Variants in KIAA2012 observed in about 807,000 individuals in gnomAD.
KIAA2012 encodes the protein uncharacterized protein KIAA2012.
In KIAA2012, 125 loss-of-function variants were observed where a neutral mutation model predicts 150.6. That is an observed-to-expected ratio of 0.83 (90% CI 0.72 to 0.96). KIAA2012 has a LOEUF of 0.96. KIAA2012 is among the 40% of genes least tolerant of loss of function. The pLI, the probability that KIAA2012 is intolerant of heterozygous loss-of-function variation, is 0.00. For synonymous variants in KIAA2012, 462 were observed against 504.7 expected (o/e 0.92, Z 1.13); for missense variants, 1,219 against 1,354.9 (o/e 0.90, Z 1.57).
intron 4 of KIAA2012, among the ~76,000 whole-genome samples, chr2:202,094,498 T>G (rs1453270210): frequency 6.6e-6 from 1 of 151,970 alleles, no homozygotes; most frequent in Non-Finnish European, 1.5e-5. Context: ...TCTTTTCTTT[T>G]TATTTTCTTT....
chr2:202,179,205 A>G, intron 15 of KIAA2012: 1 of 619,056 alleles, frequency 1.6e-6, no homozygotes, highest in East Asian at 4.0e-5. Context: ...ATCTGATTCA[A>G]ATTGGTACAA....
intron 14 of KIAA2012, among the ~76,000 whole-genome samples, chr2:202,156,980 T>C (rs1363692936): frequency 6.6e-6 from 1 of 152,212 alleles, no homozygotes; most frequent in Non-Finnish European, 1.5e-5. Flanking sequence ...GCTTTTGTAT[T>C]ACACTTTTTT....
At chr2:202,183,915 C>T (rs772222814) in intron 15 of KIAA2012, among the ~76,000 whole-genome samples, 5 of 152,108 alleles carry the variant, frequency 3.3e-5, no homozygotes, top group South Asian at 2.1e-4. Context: ...AGTTCATATC[C>T]GTCCAGATTT....
intron 2 of KIAA2012, among the ~76,000 whole-genome samples, chr2:202,079,490 A>G (rs1689395542): frequency 6.6e-6 from 1 of 152,116 alleles, no homozygotes; most frequent in Non-Finnish European, 1.5e-5. Flanking sequence ...TGTCGCAGAA[A>G]GGTGCAAGTC....
At chr2:202,183,040 T>A (rs1692152628) in intron 15 of KIAA2012, among the ~76,000 whole-genome samples, 1 of 152,066 alleles carries the variant, frequency 6.6e-6, no homozygotes, top group South Asian at 2.1e-4. Context: ...TCTAAAAGAG[T>A]AGCCCAACAC....
intron 11 of KIAA2012, 70 bp downstream of exon 11, chr2:202,113,516 C>T (rs1365003882): frequency 1.0e-5 from 11 of 1,070,680 alleles, no homozygotes; most frequent in Non-Finnish European, 1.5e-5. Flanking sequence ...CTGCAGCTTC[C>T]AAATTTTCCC....
At position 202,073,560 on chromosome 2, in the gene KIAA2012, G is replaced by T. The variant is rs750646115; in HGVS notation, c.-68G>T. On this transcript the variant is annotated 5_prime_UTR_variant, in exon 1 of 24. Transcript: ENST00000498697. ...TGCTGTGAGCTCTGGAAATCTTGAGGTGTGACCAGATTTCAGCCTTCAAAA... is the reference window on the plus strand; with the variant it reads ...TGCTGTGAGCTCTGGAAATCTTGAGTTGTGACCAGATTTCAGCCTTCAAAA... 7.3e-7 allele frequency: 1 copy of T among 1,363,724 alleles called. No homozygotes were observed. The highest frequency in any genetic ancestry group is 2.5e-5 in the East Asian group (1 of 39,928). 84.5% of individuals were successfully genotyped at this position (1,363,724 alleles called of 1,614,324 possible).
At position 202,170,504 on chromosome 2, in the gene KIAA2012, A is replaced by G. The variant is rs149953333; in HGVS notation, c.2119+5148A>G. Among the ~76,000 whole-genome samples, 6 of 152,296 alleles carry G rather than the reference A, an allele frequency of 3.9e-5. 1 individual carries two copies. In the East Asian group the frequency reaches 5.8e-4, roughly 15 times the overall value. ...TGGAAGCTTCCATTATTCACTCAGC[A>G]TACACTTGCTGATCCCTACTAAGTT... On this transcript the variant is annotated intron_variant, in intron 15 of 23. Transcript: ENST00000498697.
chr2:202,100,158 C>G (rs1427604602), intron 6 of KIAA2012, 149 bp from the exon 7 acceptor site: 1 of 797,976 alleles, frequency 1.3e-6, no homozygotes, highest in Non-Finnish European at 1.9e-6. Flanking sequence ...CTCTCTGAAC[C>G]TGCCTCCCCC....
chr2:202,201,200 C>A (rs1351587692), intron 22 of KIAA2012, among the ~76,000 whole-genome samples: 1 of 152,166 alleles, frequency 6.6e-6, no homozygotes, highest in East Asian at 1.9e-4. Context: ...AGAGTTACTG[C>A]TACCATTACA....
chr2:202,162,321 C>G (rs1489034989), intron 14 of KIAA2012, among the ~76,000 whole-genome samples: 1 of 152,110 alleles, frequency 6.6e-6, no homozygotes, highest in Non-Finnish European at 1.5e-5. Context: ...GTCATCCAGG[C>G]TGGAGTGCAG....
chr2:202,178,132 G>T (rs1426237960), intron 15 of KIAA2012, among the ~76,000 whole-genome samples: 1 of 152,180 alleles, frequency 6.6e-6, no homozygotes, highest in Non-Finnish European at 1.5e-5. Flanking sequence ...CTAGGAGGTG[G>T]AGGTTGCAGT....
At chr2:202,201,482 A>T in intron 22 of KIAA2012, 1 of 1,600,858 alleles carries the variant, frequency 6.2e-7, no homozygotes, top group Non-Finnish European at 8.6e-7. Context: ...GCTGAGCAGC[A>T]CTGGGAGGGC....
chr2:202,101,634 C>A (rs1690047279), intron 7 of KIAA2012, among the ~76,000 whole-genome samples: 1 of 152,218 alleles, frequency 6.6e-6, no homozygotes, highest in South Asian at 2.1e-4. Flanking sequence ...CCATACCTCA[C>A]ACAAATCATT....
In KIAA2012 at chr2:202,121,598, C is replaced by T. The variant is rs989087251; in HGVS notation, c.1763-3616C>T. On this transcript the variant is annotated intron_variant, in intron 11 of 23. Coordinates refer to ENST00000498697, the MANE Select transcript of KIAA2012 (RefSeq NM_001277372.4). Reference sequence around the variant, plus strand: ...ATGTCATCTTGTTCCCTTATCCCAACGATCCTAGGAAGTGAGTATTTTCAA... The same window carrying T: ...ATGTCATCTTGTTCCCTTATCCCAATGATCCTAGGAAGTGAGTATTTTCAA... Among the ~76,000 whole-genome samples the T allele has an allele frequency of 5.3e-5, 8 of 152,162 alleles. No individual in the cohort carries two copies. In the East Asian group the frequency reaches 1.2e-3, roughly 22 times the overall value.
intron 2 of KIAA2012, 116 bp from the exon 3 acceptor site, chr2:202,090,654 T>C (rs1404062103): frequency 8.0e-7 from 1 of 1,242,336 alleles, no homozygotes; most frequent in East Asian, 2.7e-5. Flanking sequence ...TTTGGTGCCT[T>C]CTGGCACCTT....
chr2:202,185,461 C>T (rs1692208875), intron 16 of KIAA2012, among the ~76,000 whole-genome samples: 1 of 152,090 alleles, frequency 6.6e-6, no homozygotes, highest in Non-Finnish European at 1.5e-5. Context: ...TGTAAGGATT[C>T]CCTCCTAGGT....
At chr2:202,117,862 C>T (rs1690565626) in intron 11 of KIAA2012, among the ~76,000 whole-genome samples, 1 of 152,236 alleles carries the variant, frequency 6.6e-6, no homozygotes. Context: ...TGGGGATATG[C>T]ACTGTTTCCC....
intron 12 of KIAA2012, among the ~76,000 whole-genome samples, chr2:202,133,130 A>ATTTTTTTTTTTTTTT (rs60064904): frequency 3.1e-4 from 21 of 67,702 alleles, no homozygotes; most frequent in Admixed American, 5.4e-4. Context: ...ATATATATAT[A>ATTTTTTTTTTTTTTT]TTTTTTTTTT....
Sources: allele counts gnomAD v4.1 joint callset (sites outside exome capture counted in the v4.1 genomes callset), GRCh38; gene constraint gnomAD v4.1.1; transcripts MANE v1.5; gene names NCBI Gene and HGNC (gene_info 2026-07-23, HGNC 2026-07-21).